The following GABRB3 variants were observed in gnomAD, a reference collection of about 807,000 sequenced individuals.
The protein encoded by GABRB3 is gamma-aminobutyric acid type A receptor subunit beta3.
In GABRB3, 14 loss-of-function variants were observed where a neutral mutation model predicts 52.1. The observed-to-expected ratio is 0.27, with a 90% CI of 0.18 to 0.42. The LOEUF is 0.42. Among genes scored for constraint, GABRB3 ranks in the 10% least tolerant of loss-of-function variants. The probability of loss-of-function intolerance (pLI) is 1.00; values close to 1 mark genes in which losing one functional copy is unlikely to be tolerated. For synonymous variants in GABRB3, 260 were observed against 232.3 expected, an observed-to-expected ratio of 1.12 and a Z score of -1.08; for missense variants, 307 against 609.1, an observed-to-expected ratio of 0.50 and a Z score of 5.22.
chr15:26,734,912 T>TCAAAA (rs1237465656), intron 3 of GABRB3, among the ~76,000 whole-genome samples: 5 of 151,750 alleles, frequency 3.3e-5, no homozygotes, highest in South Asian at 2.1e-4. Flanking sequence ...CAAGAACCAG[T>TCAAAA]CAAAACAAAA....
chr15:26,698,054 T>A (rs1478335942), intron 3 of GABRB3, among the ~76,000 whole-genome samples: 4 of 152,194 alleles, frequency 2.6e-5, no homozygotes, highest in African/African-American at 9.6e-5. Flanking sequence ...CCTCTGTGAA[T>A]CATGCCCAGC....
intron 3 of GABRB3, among the ~76,000 whole-genome samples, chr15:26,623,537 TTTTGTTTG>T (rs71420013): frequency 1.3e-5 from 2 of 151,638 alleles, no homozygotes; most frequent in Non-Finnish European, 2.9e-5. Context: ...CAACCATCTC[TTTTGTTTG>T]TTTGTTTGTT....
chr15:26,546,189 T>C lies in GABRB3; in HGVS notation c.*1604A>G, dbSNP rs1362154407. 1 of 152,602 alleles carries C rather than the reference T, an allele frequency of 6.6e-6. No homozygotes were observed. Among genetic ancestry groups the C allele is most frequent in the Non-Finnish European group, 1.5e-5 (1 of 68,038 alleles). 9.5% of individuals were successfully genotyped at this position (152,602 alleles called of 1,614,324 possible). On this transcript the variant is annotated 3_prime_UTR_variant, in exon 9 of 9. Coordinates refer to ENST00000311550, the MANE Select transcript of GABRB3 (RefSeq NM_000814.6). ...AGCAGTTCTTCCTGCAAATTTTGCT[T>C]TTTATTTTTTTCTCCAAATGCTCAA...
At chr15:26,654,444 C>A (rs769548926) in intron 3 of GABRB3, among the ~76,000 whole-genome samples, 1 of 152,030 alleles carries the variant, frequency 6.6e-6, no homozygotes, top group Non-Finnish European at 1.5e-5. Context: ...CCGCACCCAG[C>A]CAACAAAGGT....
chr15:26,746,352 G>C (rs1595340465), intron 3 of GABRB3, among the ~76,000 whole-genome samples: 1 of 152,206 alleles, frequency 6.6e-6, no homozygotes, highest in East Asian at 1.9e-4. Context: ...TATACTCCAA[G>C]TTCTTTGTCA....
At chr15:26,724,095 A>T (rs990745722) in intron 3 of GABRB3, among the ~76,000 whole-genome samples, 2 of 152,094 alleles carry the variant, frequency 1.3e-5, no homozygotes, top group African/African-American at 2.4e-5. Flanking sequence ...AGCTTTTCAT[A>T]TTCATTTTTT....
At chr15:26,594,926 G>A (rs1251600233) in intron 4 of GABRB3, among the ~76,000 whole-genome samples, 1 of 152,218 alleles carries the variant, frequency 6.6e-6, no homozygotes, top group African/African-American at 2.4e-5. Context: ...GACTGCCTAT[G>A]TGCTAGGGCA....
At chr15:26,587,981 T>C (rs1341413265) in intron 4 of GABRB3, among the ~76,000 whole-genome samples, 1 of 152,142 alleles carries the variant, frequency 6.6e-6, no homozygotes, top group Non-Finnish European at 1.5e-5. Flanking sequence ...GTATTACTCT[T>C]CAGTAGGTTC....
intron 4 of GABRB3, chr15:26,615,766 C>A: frequency 8.8e-7 from 1 of 1,133,126 alleles, no homozygotes; most frequent in Non-Finnish European, 1.1e-6. Flanking sequence ...AGCTAAGTGG[C>A]GACTGACCTA....
intron 3 of GABRB3, among the ~76,000 whole-genome samples, chr15:26,640,995 G>A (rs892518424): frequency 1.3e-5 from 2 of 152,144 alleles, no homozygotes; most frequent in African/African-American, 2.4e-5. Context: ...AACTGTTGTC[G>A]CTTAAAATGT....
At chr15:26,733,479 T>C (rs891689295) in intron 3 of GABRB3, among the ~76,000 whole-genome samples, 1 of 152,136 alleles carries the variant, frequency 6.6e-6, no homozygotes, top group South Asian at 2.1e-4. Flanking sequence ...ATAAAAACTA[T>C]GAAATACTGC....
intron 3 of GABRB3, among the ~76,000 whole-genome samples, chr15:26,735,618 A>G (rs547648421): frequency 2.0e-5 from 3 of 152,302 alleles, no homozygotes; most frequent in African/African-American, 7.2e-5. Flanking sequence ...CACAAGCTAC[A>G]ATGTGGATAA....
chr15:26,557,110 T>A (rs1326420919), intron 8 of GABRB3, among the ~76,000 whole-genome samples: 1 of 152,122 alleles, frequency 6.6e-6, no homozygotes, highest in Admixed American at 6.5e-5. Context: ...AAAAAGAAGA[T>A]CATGTCCTCT....
At chr15:26,551,720 T>C (rs896004088) in intron 8 of GABRB3, among the ~76,000 whole-genome samples, 1 of 152,110 alleles carries the variant, frequency 6.6e-6, no homozygotes, top group Non-Finnish European at 1.5e-5. Flanking sequence ...GGGTCTTCCT[T>C]ATAGTTTACA....
At chr15:26,722,068 T>C (rs1373252937) in intron 3 of GABRB3, among the ~76,000 whole-genome samples, 1 of 152,170 alleles carries the variant, frequency 6.6e-6, no homozygotes, top group Non-Finnish European at 1.5e-5. Context: ...TGAGCCCCAG[T>C]AGATGCAGGT....
At chr15:26,567,486 A>C in intron 7 of GABRB3, 95 bp downstream of exon 7, 2 of 1,259,334 alleles carry the variant, frequency 1.6e-6, no homozygotes, top group Non-Finnish European at 2.3e-6. Flanking sequence ...TCACGCTGTC[A>C]AAAAATGGTA....
intron 4 of GABRB3, among the ~76,000 whole-genome samples, chr15:26,592,394 A>G (rs1341772154): frequency 1.3e-5 from 2 of 152,230 alleles, no homozygotes; most frequent in Non-Finnish European, 1.5e-5. Flanking sequence ...GTCCCACCAA[A>G]GCATAAACAT....
chr15:26,714,055 T>C (rs1395249962), intron 3 of GABRB3, among the ~76,000 whole-genome samples: 3 of 152,128 alleles, frequency 2.0e-5, no homozygotes, highest in African/African-American at 7.2e-5. Context: ...AGAACAATAA[T>C]AAGGAGAATA....
At chr15:26,664,043 T>G (rs1422447924) in intron 3 of GABRB3, among the ~76,000 whole-genome samples, 14 of 152,162 alleles carry the variant, frequency 9.2e-5, no homozygotes. Context: ...GTCTTAAGAA[T>G]TTCCTCTACA....
Sources: allele counts gnomAD v4.1 joint callset (sites outside exome capture counted in the v4.1 genomes callset), GRCh38; gene constraint gnomAD v4.1.1; transcripts MANE v1.5; gene names NCBI Gene and HGNC (gene_info 2026-07-23, HGNC 2026-07-21).